The following GNG7 variants were observed in gnomAD, a reference collection of about 807,000 sequenced individuals.
GNG7 encodes G protein subunit gamma 7, also known as guanine nucleotide-binding protein G(I)/G(S)/G(O) subunit gamma-7.
In GNG7, 1 loss-of-function variant was observed where a neutral mutation model predicts 4.0. The ratio of observed to expected loss-of-function variants is 0.25; its 90% CI spans 0.09 to 1.18. The LOEUF is 1.18. GNG7 is among the 50% of genes most tolerant of loss of function. GNG7 has a pLI of 0.50. For synonymous variants in GNG7, 34 were observed against 36.9 expected, an observed-to-expected ratio of 0.92 and a Z score of 0.29; for missense variants, 86 against 91.9, an observed-to-expected ratio of 0.94 and a Z score of 0.26.
At chr19:2,641,685 A>G (rs895064318) in intron 2 of GNG7, among the ~76,000 whole-genome samples, 2 of 151,054 alleles carry the variant, frequency 1.3e-5, no homozygotes, top group East Asian at 1.9e-4. Context: ...TTTTTTTGAG[A>G]TGGAGTCTCA....
At position 2,636,846 on chromosome 19, in the gene GNG7, T is replaced by G. The variant is rs1982320652; in HGVS notation, c.-78+9378A>C. On this transcript the variant is annotated intron_variant, in intron 2 of 4. Transcript: ENST00000382159. ...AGGGGCTCGGGGGTGACTGAAGACA[T>G]CTGGGATACAGTCAGTATGCACTGC... 2.0e-5 allele frequency among the ~76,000 whole-genome samples: 3 copies of G among 152,068 alleles called. No homozygotes were observed. In the South Asian group the frequency reaches 6.2e-4, roughly 32 times the overall value.
intron 3 of GNG7, among the ~76,000 whole-genome samples, chr19:2,533,482 G>T (rs1978654601): frequency 2.0e-5 from 3 of 151,966 alleles, no homozygotes; most frequent in Admixed American, 1.3e-4. Context: ...TTGAGCTGTT[G>T]GTGTACACAG....
In GNG7 at chr19:2,633,485, G is replaced by GCACACACACACACACA. The variant is rs1294558407; in HGVS notation, c.-78+12738_-78+12739insTGTGTGTGTGTGTGTG. Among the ~76,000 whole-genome samples, 1 of 131,914 alleles carries GCACACACACACACACA rather than the reference G, an allele frequency of 7.6e-6. No homozygotes were observed. Among genetic ancestry groups the GCACACACACACACACA allele is most frequent in the Non-Finnish European group, 1.6e-5 (1 of 62,046 alleles). 86.5% of individuals were successfully genotyped at this position (131,914 alleles called of 152,430 possible). A position where few individuals can be genotyped will look rare whatever the true frequency, so the allele number is the denominator to read the frequency against. On this transcript the variant is annotated intron_variant, in intron 2 of 4. Coordinates refer to ENST00000382159, the MANE Select transcript of GNG7 (RefSeq NM_052847.3). The surrounding 1 kb of genome is among the most constrained non-coding windows in gnomAD (Gnocchi z 5.9). ...CTTAGCAACAGGCGCGCGCGCGCGC[G>GCACACACACACACACA]CGCACACACACACACACACACACAC...
intron 2 of GNG7, among the ~76,000 whole-genome samples, chr19:2,581,219 T>C (rs978139883): frequency 6.6e-6 from 1 of 151,702 alleles, no homozygotes; most frequent in Admixed American, 6.6e-5. Context: ...TGAAAGTGAT[T>C]AATCTCTGCT....
At chr19:2,526,646 GCATA>G (rs1188106041) in intron 3 of GNG7, among the ~76,000 whole-genome samples, 2 of 148,800 alleles carry the variant, frequency 1.3e-5, no homozygotes, top group East Asian at 1.9e-4. Context: ...TACACTTATT[GCATA>G]CATATTTTAT....
chr19:2,623,259 G>A (rs1373687919), intron 2 of GNG7, among the ~76,000 whole-genome samples: 1 of 152,174 alleles, frequency 6.6e-6, no homozygotes, highest in Non-Finnish European at 1.5e-5. Flanking sequence ...ATTTGAGGCT[G>A]CAGTGAGCTG....
chr19:2,512,442 G>A lies in GNG7; in HGVS notation c.*2580C>T, dbSNP rs1972669563. 2 of 862,974 alleles carry A rather than the reference G, an allele frequency of 2.3e-6. No homozygotes were observed. Among genetic ancestry groups the A allele is most frequent in the Non-Finnish European group, 2.8e-6 (2 of 718,456 alleles). 53.5% of individuals were successfully genotyped at this position (862,974 alleles called of 1,614,324 possible). A position where few individuals can be genotyped will look rare whatever the true frequency, so the allele number is the denominator to read the frequency against. Reference sequence around the variant, plus strand: ...GGCAATGGCCACCTCCCTGGGGTCCGGGAGATGGTGGGGTCTGGACAGCTC... The same window carrying A: ...GGCAATGGCCACCTCCCTGGGGTCCAGGAGATGGTGGGGTCTGGACAGCTC... On this transcript the variant is annotated 3_prime_UTR_variant, in exon 5 of 5. Coordinates refer to ENST00000382159, the MANE Select transcript of GNG7 (RefSeq NM_052847.3). The surrounding 1 kb of genome is among the most constrained non-coding windows in gnomAD (Gnocchi z 4.7).
At chr19:2,569,976 C>T (rs1027969406) in intron 2 of GNG7, among the ~76,000 whole-genome samples, 2 of 152,156 alleles carry the variant, frequency 1.3e-5, no homozygotes, top group African/African-American at 4.8e-5. Context: ...AATGTTTGTG[C>T]CTCCGGATCT....
rs965350334 is a variant in GNG7 at position 2,617,679 on chromosome 19, C to T, written c.-78+28545G>A. ...CTGGACACCACGTGGCACAGACTCTCTCCTCTTGGTGCCACCTCATCCTAT... is the reference window on the plus strand; with the variant it reads ...CTGGACACCACGTGGCACAGACTCTTTCCTCTTGGTGCCACCTCATCCTAT... On this transcript the variant is annotated intron_variant, in intron 2 of 4. Coordinates refer to ENST00000382159, the MANE Select transcript of GNG7 (RefSeq NM_052847.3). The surrounding 1 kb of genome is among the most constrained non-coding windows in gnomAD (Gnocchi z 4.7). Among the ~76,000 whole-genome samples the T allele has an allele frequency of 1.3e-5, 2 of 152,148 alleles. No individual in the cohort carries two copies. Among genetic ancestry groups the T allele is most frequent in the South Asian group, 4.2e-4 (2 of 4,814 alleles).
chr19:2,694,552 C>T (rs924161848), intron 1 of GNG7, among the ~76,000 whole-genome samples: 2 of 151,954 alleles, frequency 1.3e-5, no homozygotes, highest in African/African-American at 4.8e-5. Context: ...GGAAAAAAAT[C>T]AAGTCTGCTT....
chr19:2,524,854 G>A (rs1280181013), intron 3 of GNG7, among the ~76,000 whole-genome samples: 2 of 152,218 alleles, frequency 1.3e-5, no homozygotes, highest in African/African-American at 4.8e-5. Flanking sequence ...CTGTAGGTGC[G>A]TGGATATGTG....
At chr19:2,697,804 TC>T (rs1208213410) in intron 1 of GNG7, among the ~76,000 whole-genome samples, 1 of 148,428 alleles carries the variant, frequency 6.7e-6, no homozygotes, top group African/African-American at 2.5e-5. Context: ...CCCGCCCGTC[TC>T]TACTAAAAAT....
chr19:2,698,554 A>T (rs1210164364), intron 1 of GNG7, among the ~76,000 whole-genome samples: 3 of 151,980 alleles, frequency 2.0e-5, no homozygotes, highest in Non-Finnish European at 4.4e-5. Context: ...ACAGAGAAAG[A>T]CTGTGTTTCA....
Position 2,584,306 on chromosome 19 carries a change from C to G in GNG7, c.-77-29118G>C, listed in dbSNP as rs935504844. Among the ~76,000 whole-genome samples, 4 of 99,482 alleles carry G rather than the reference C, an allele frequency of 4.0e-5. No individual in the cohort carries two copies. The East Asian group carries it at 1.1e-3, about 28-fold the overall frequency. The allele number at this position is 99,482 out of a possible 152,430, so 65.3% of individuals were successfully genotyped here. A position where few individuals can be genotyped will look rare whatever the true frequency, so the allele number is the denominator to read the frequency against. The stretch of plus-strand genomic sequence containing the variant: ...AAGAATTAAAAAAAAAAAAAAAAAG[C>G]GATGGCACGTGACTGTAGTTCCAGC... On this transcript the variant is annotated intron_variant, in intron 2 of 4. Coordinates refer to ENST00000382159, the MANE Select transcript of GNG7 (RefSeq NM_052847.3).
chr19:2,652,496 G>C (rs1336866191), intron 1 of GNG7, among the ~76,000 whole-genome samples: 6 of 152,204 alleles, frequency 3.9e-5, no homozygotes, highest in Middle Eastern at 3.4e-3. Flanking sequence ...GTGCATGCCT[G>C]TAATCCCAGC....
intron 3 of GNG7, among the ~76,000 whole-genome samples, chr19:2,521,377 G>A (rs2144728598): frequency 6.6e-6 from 1 of 152,302 alleles, no homozygotes; most frequent in East Asian, 1.9e-4. Flanking sequence ...TCCATGGCAG[G>A]GGTTCTTGCC....
At chr19:2,573,634 T>C (rs1178500381) in intron 2 of GNG7, among the ~76,000 whole-genome samples, 1 of 151,746 alleles carries the variant, frequency 6.6e-6, no homozygotes, top group Non-Finnish European at 1.5e-5. Flanking sequence ...CTGGTCAACA[T>C]GGTGAAAGAG....
chr19:2,524,984 AT>A (rs11299529), intron 3 of GNG7, among the ~76,000 whole-genome samples: 2,807 of 151,166 alleles, frequency 0.019, 70 homozygotes, highest in African/African-American at 0.065. Flanking sequence ...TGCATCACCC[AT>A]GCAGTCGCCT....
rs1308744084 is a variant in GNG7, at chr19:2,696,298, GAA to G, written c.-135+6346_-135+6347del. Among the ~76,000 whole-genome samples, 78 of 90,968 alleles carry G rather than the reference GAA, an allele frequency of 8.6e-4. No individual in the cohort carries two copies. In the Middle Eastern group the frequency reaches 0.016, roughly 19 times the overall value. 59.7% of individuals were successfully genotyped at this position (90,968 alleles called of 152,430 possible). A position where few individuals can be genotyped will look rare whatever the true frequency, so the allele number is the denominator to read the frequency against. ...AGAAAGAAAAAGAGAGAGAGAGAAA[GAA>G]AGAAAGAAAGAAAGAAAGAAAGAAA... is the stretch of plus-strand genomic sequence containing the variant. On this transcript the variant is annotated intron_variant, in intron 1 of 4. Coordinates refer to ENST00000382159, the MANE Select transcript of GNG7 (RefSeq NM_052847.3).
Sources: allele counts gnomAD v4.1 joint callset (sites outside exome capture counted in the v4.1 genomes callset), GRCh38; gene constraint gnomAD v4.1.1; non-coding constraint Gnocchi (gnomAD v3.1); transcripts MANE v1.5; gene names NCBI Gene and HGNC (gene_info 2026-07-23, HGNC 2026-07-21).